DLGAP1: variants seen among roughly 807,000 people sequenced by gnomAD.
DLGAP1 encodes disks large-associated protein 1.
A neutral mutation model predicts 90.8 loss-of-function variants in DLGAP1; 11 were observed. That is an observed-to-expected ratio of 0.12 (90% CI 0.08 to 0.20). The LOEUF is 0.20. DLGAP1 is among the 10% of genes least tolerant of loss of function. The pLI is 1.00. For missense variants in DLGAP1, 1,050 were observed against 1,333.8 expected (o/e 0.79, Z 3.31); for synonymous variants, 558 against 540.7 (o/e 1.03, Z -0.44).
At chr18:4,380,093 T>C (rs1194264060) in intron 1 of DLGAP1, among the ~76,000 whole-genome samples, 2 of 152,082 alleles carry the variant, frequency 1.3e-5, no homozygotes, top group Non-Finnish European at 2.9e-5. Context: ...AGGAAAAGAA[T>C]AAATGAGATA....
intron 7 of DLGAP1, among the ~76,000 whole-genome samples, chr18:3,662,368 G>A (rs754621086): frequency 6.6e-6 from 1 of 152,130 alleles, no homozygotes; most frequent in Non-Finnish European, 1.5e-5. Context: ...AATCCTAAGG[G>A]TATTGTCCCA....
intron 1 of DLGAP1, among the ~76,000 whole-genome samples, chr18:4,162,280 T>G (rs899988939): frequency 1.3e-5 from 2 of 152,108 alleles, no homozygotes; most frequent in African/African-American, 4.8e-5. Flanking sequence ...CTAGTTACAT[T>G]GAAAGGATTA....
At chr18:3,700,024 G>A (rs80130472) in intron 7 of DLGAP1, among the ~76,000 whole-genome samples, 1 of 152,340 alleles carries the variant, frequency 6.6e-6, no homozygotes, top group East Asian at 1.9e-4. Context: ...TTCTGGCAAT[G>A]AGAATTTCAA....
At chr18:3,782,979 A>C (rs1299496621) in intron 5 of DLGAP1, among the ~76,000 whole-genome samples, 1 of 152,234 alleles carries the variant, frequency 6.6e-6, no homozygotes, top group Non-Finnish European at 1.5e-5. Flanking sequence ...TACCTCAATC[A>C]AAATGGGTAA....
intron 5 of DLGAP1, among the ~76,000 whole-genome samples, chr18:3,790,570 T>C (rs942542365): frequency 5.9e-5 from 9 of 152,210 alleles, no homozygotes; most frequent in African/African-American, 1.9e-4. Context: ...GCCTGGCCAG[T>C]CTTTGTTTCT....
intron 1 of DLGAP1, among the ~76,000 whole-genome samples, chr18:4,435,029 T>A (rs1011897863): frequency 2.0e-5 from 3 of 152,170 alleles, no homozygotes; most frequent in African/African-American, 7.2e-5. Context: ...ATCTGACAGG[T>A]CATGGAGGGC....
chr18:4,442,953 A>C (rs2083572044), intron 1 of DLGAP1, among the ~76,000 whole-genome samples: 1 of 152,230 alleles, frequency 6.6e-6, no homozygotes, highest in African/African-American at 2.4e-5. Context: ...CATAGTAGTC[A>C]TTCAATAAAT....
intron 1 of DLGAP1, among the ~76,000 whole-genome samples, chr18:4,249,902 T>C (rs1239041140): frequency 2.0e-5 from 3 of 152,204 alleles, no homozygotes; most frequent in Non-Finnish European, 2.9e-5. Context: ...TAAGTTTCAA[T>C]TTCTCCATAT....
intron 3 of DLGAP1, among the ~76,000 whole-genome samples, chr18:3,969,295 T>C (rs191857630): frequency 1.6e-3 from 237 of 152,284 alleles, no homozygotes; most frequent in African/African-American, 5.4e-3. Context: ...AATTGTCATC[T>C]GAAAAGAAAT....
At chr18:4,355,826 CTT>C (rs2081501011) in intron 1 of DLGAP1, among the ~76,000 whole-genome samples, 1 of 102,360 alleles carries the variant, frequency 9.8e-6, no homozygotes, top group South Asian at 3.0e-4. Flanking sequence ...GAAATCTTCT[CTT>C]GAGTCTCCCA....
intron 2 of DLGAP1, among the ~76,000 whole-genome samples, chr18:4,070,356 CT>C (rs999007470): frequency 1.3e-5 from 2 of 151,812 alleles, no homozygotes; most frequent in African/African-American, 2.4e-5. Context: ...CCACAGAAAT[CT>C]TTTTTTTATG....
intron 4 of DLGAP1, among the ~76,000 whole-genome samples, chr18:3,836,376 G>A (rs2068379487): frequency 1.3e-5 from 2 of 152,190 alleles, no homozygotes; most frequent in African/African-American, 4.8e-5. Flanking sequence ...AATGAGGTCT[G>A]TGTGAGGGCA....
intron 3 of DLGAP1, among the ~76,000 whole-genome samples, chr18:3,959,874 C>T (rs1011937521): frequency 3.9e-5 from 6 of 152,010 alleles, no homozygotes; most frequent in Admixed American, 6.6e-5. Context: ...TATTTTACAC[C>T]GTCTCTTTTT....
intron 7 of DLGAP1, among the ~76,000 whole-genome samples, chr18:3,584,916 C>T (rs2055784298): frequency 6.6e-6 from 1 of 152,090 alleles, no homozygotes; most frequent in East Asian, 1.9e-4. Context: ...CCACATCCAG[C>T]TAATTTTTTA....
intron 1 of DLGAP1, among the ~76,000 whole-genome samples, chr18:4,208,228 C>T (rs1331881287): frequency 6.6e-6 from 1 of 152,180 alleles, no homozygotes; most frequent in African/African-American, 2.4e-5. Flanking sequence ...TTTGGAAGTT[C>T]ACTTGTAAAT....
At chr18:4,018,978 T>C (rs1311708818) in intron 2 of DLGAP1, among the ~76,000 whole-genome samples, 1 of 152,204 alleles carries the variant, frequency 6.6e-6, no homozygotes, top group African/African-American at 2.4e-5. Context: ...AGGAAATAAT[T>C]AGTCTGTGTG....
intron 1 of DLGAP1, among the ~76,000 whole-genome samples, chr18:4,419,742 A>G (rs1440644858): frequency 1.3e-5 from 2 of 152,128 alleles, no homozygotes; most frequent in Non-Finnish European, 2.9e-5. Context: ...TTTATTGCAA[A>G]TCACAGAGCA....
chr18:4,272,699 C>G (rs1441053515), intron 1 of DLGAP1, among the ~76,000 whole-genome samples: 1 of 152,194 alleles, frequency 6.6e-6, no homozygotes, highest in African/African-American at 2.4e-5. Flanking sequence ...CCTAACTCTT[C>G]TACGGGAAAG....
intron 7 of DLGAP1, among the ~76,000 whole-genome samples, chr18:3,632,732 G>T (rs1008937691): frequency 1.3e-5 from 2 of 152,064 alleles, no homozygotes; most frequent in East Asian, 1.9e-4. Context: ...ATTTTGGAAG[G>T]TTATATGTGG....
Sources: gnomAD v4.1 joint callset for allele counts (sites outside exome capture counted in the v4.1 genomes callset) on GRCh38, gnomAD v4.1.1 for gene constraint, MANE v1.5 for transcripts, NCBI Gene and HGNC (gene_info 2026-07-23, HGNC 2026-07-21) for gene names.